GNG7: variants seen among roughly 807,000 people sequenced by gnomAD.
GNG7 encodes the protein G protein subunit gamma 7.
In GNG7, 1 loss-of-function variant was observed where a neutral mutation model predicts 4.0. The observed-to-expected ratio is 0.25, with a 90% CI of 0.09 to 1.18. The LOEUF is 1.18. Among genes scored for constraint, GNG7 ranks in the 50% most tolerant of loss-of-function variants. The pLI is 0.50. For missense variants in GNG7, 86 were observed against 91.9 expected, an observed-to-expected ratio of 0.94 and a Z score of 0.26; for synonymous variants, 34 against 36.9, an observed-to-expected ratio of 0.92 and a Z score of 0.29.
chr19:2,513,620 C>T lies in GNG7; in HGVS notation c.*1402G>A, dbSNP rs1972686340. 16 of 980,244 alleles carry T rather than the reference C, an allele frequency of 1.6e-5. No individual in the cohort carries two copies. In the South Asian group the frequency reaches 5.2e-4, roughly 32 times the overall value. 60.7% of individuals were successfully genotyped at this position (980,244 alleles called of 1,614,324 possible). A position where few individuals can be genotyped will look rare whatever the true frequency, so the allele number is the denominator to read the frequency against. The stretch of plus-strand genomic sequence containing the variant: ...CCTCAGACAGCCGTCCTGGGTTGCA[C>T]GGGGGTGGAAAAGCAAAAAGATCGG... On this transcript the variant is annotated 3_prime_UTR_variant, in exon 5 of 5. Coordinates refer to ENST00000382159, the MANE Select transcript of GNG7 (RefSeq NM_052847.3).
chr19:2,624,562 AAAAG>A (rs1000363360), intron 2 of GNG7, among the ~76,000 whole-genome samples: 11 of 151,756 alleles, frequency 7.2e-5, no homozygotes, highest in African/African-American at 9.7e-5. Context: ...AGAAAAAAAG[AAAAG>A]AAAGAAAGAA....
intron 2 of GNG7, among the ~76,000 whole-genome samples, chr19:2,615,841 A>C (rs1981709930): frequency 6.6e-6 from 1 of 152,188 alleles, no homozygotes; most frequent in African/African-American, 2.4e-5. Flanking sequence ...GCAAGGAAGC[A>C]GCAAGGCGGA....
At chr19:2,610,536 C>CGG (rs958188915) in intron 2 of GNG7, 29 of 151,810 alleles carry the variant, frequency 1.9e-4, no homozygotes, top group African/African-American at 6.5e-4. Flanking sequence ...TCAGTAGAGA[C>CGG]GGGGTTTCAC....
At chr19:2,679,250 T>C (rs911357197) in intron 1 of GNG7, among the ~76,000 whole-genome samples, 2 of 152,070 alleles carry the variant, frequency 1.3e-5, no homozygotes, top group Non-Finnish European at 2.9e-5. Context: ...AGAGTCTCAC[T>C]ATGTTGCTCA....
At chr19:2,581,611 C>T (rs1980507768) in intron 2 of GNG7, among the ~76,000 whole-genome samples, 1 of 152,176 alleles carries the variant, frequency 6.6e-6, no homozygotes, top group Non-Finnish European at 1.5e-5. Context: ...CGTGTTTTCA[C>T]CCCACCCTGC....
chr19:2,544,204 A>G (rs1979052631), intron 3 of GNG7, among the ~76,000 whole-genome samples: 1 of 152,138 alleles, frequency 6.6e-6, no homozygotes, highest in Non-Finnish European at 1.5e-5. Context: ...TCCAAACCCA[A>G]ACAAAATGGA....
At chr19:2,643,890 C>G in intron 2 of GNG7, 2 of 325,834 alleles carry the variant, frequency 6.1e-6, no homozygotes, top group Middle Eastern at 1.1e-3. Context: ...GACCTCTGAT[C>G]TGTCACCTTT....
At position 2,512,971 on chromosome 19, in the gene GNG7, G is replaced by A; in HGVS notation, c.*2051C>T. 1.0e-6 allele frequency: 1 copy of A among 985,448 alleles called. No individual in the cohort carries two copies. Among genetic ancestry groups the A allele is most frequent in the South Asian group, 4.7e-5 (1 of 21,288 alleles). The allele number at this position is 985,448 out of a possible 1,614,324, so 61.0% of individuals were successfully genotyped here. The stretch of plus-strand genomic sequence containing the variant: ...GAGGCTGCAGTCTCCGGGAGCCTCT[G>A]GGGCTCTCCCGGGCCAACAGCAGGT... On this transcript the variant is annotated 3_prime_UTR_variant, in exon 5 of 5. Transcript: ENST00000382159. This position sits in a 1 kb window ranked among gnomAD's most constrained non-coding sequence, Gnocchi z 4.7.
intron 2 of GNG7, among the ~76,000 whole-genome samples, chr19:2,593,928 C>A (rs868781647): frequency 1.6e-3 from 209 of 134,458 alleles, no homozygotes; most frequent in Admixed American, 1.7e-3. Flanking sequence ...TATTTGATGC[C>A]AAAAAAAAAA....
intron 3 of GNG7, among the ~76,000 whole-genome samples, chr19:2,550,096 C>A (rs1979266742): frequency 6.6e-6 from 1 of 152,202 alleles, no homozygotes; most frequent in African/African-American, 2.4e-5. Flanking sequence ...TGCCCTGATT[C>A]TCAGAATCCC....
intron 1 of GNG7, among the ~76,000 whole-genome samples, chr19:2,694,625 C>T (rs1237768884): frequency 6.6e-6 from 1 of 152,162 alleles, no homozygotes; most frequent in Non-Finnish European, 1.5e-5. Context: ...TCAGGGGGAC[C>T]CCCAGCTTCT....
intron 3 of GNG7, among the ~76,000 whole-genome samples, chr19:2,524,526 A>G (rs967771557): frequency 5.3e-5 from 8 of 152,320 alleles, no homozygotes; most frequent in African/African-American, 1.7e-4. Context: ...GCGTGTGTGC[A>G]CACATATCTG....
intron 2 of GNG7, among the ~76,000 whole-genome samples, chr19:2,629,390 C>G (rs1335789920): frequency 6.6e-6 from 1 of 152,142 alleles, no homozygotes; most frequent in African/African-American, 2.4e-5. Context: ...GACAGCAGGC[C>G]ACGCTCTTGT....
At chr19:2,666,064 C>T (rs757701494) in intron 1 of GNG7, among the ~76,000 whole-genome samples, 1 of 152,238 alleles carries the variant, frequency 6.6e-6, no homozygotes, top group East Asian at 1.9e-4. Flanking sequence ...CAGGGTTTCA[C>T]CATGTTGGTC....
rs1172277978 is a variant in GNG7, at chr19:2,546,800, C to T, written c.-38+8349G>A. On this transcript the variant is annotated intron_variant, in intron 3 of 4. Coordinates refer to ENST00000382159, the MANE Select transcript of GNG7 (RefSeq NM_052847.3). This position sits in a 1 kb window ranked among gnomAD's most constrained non-coding sequence, Gnocchi z 6.3. The stretch of plus-strand genomic sequence containing the variant: ...CTCTCTGTCCACCCGGCGGTGGGGT[C>T]GGCGGGGGCGGGGGATGACCACGGT... Among the ~76,000 whole-genome samples the T allele has an allele frequency of 6.6e-6, 1 of 152,104 alleles. No individual in the cohort carries two copies. Among genetic ancestry groups the T allele is most frequent in the Non-Finnish European group, 1.5e-5 (1 of 67,990 alleles).
At chr19:2,600,254 C>G (rs951799336) in intron 2 of GNG7, among the ~76,000 whole-genome samples, 4 of 148,600 alleles carry the variant, frequency 2.7e-5, no homozygotes, top group African/African-American at 1.0e-4. Context: ...TGAAAAGTAA[C>G]TATTTTTCAA....
intron 1 of GNG7, among the ~76,000 whole-genome samples, chr19:2,672,494 T>C (rs62119828): frequency 0.4 from 60,798 of 150,642 alleles, 13,866 homozygotes; most frequent in African/African-American, 0.62. Context: ...TCATCCAGGC[T>C]GGAGTGCAGT....
chr19:2,619,910 G>T (rs775724428), intron 2 of GNG7, among the ~76,000 whole-genome samples: 2 of 151,664 alleles, frequency 1.3e-5, no homozygotes, highest in Admixed American at 6.6e-5. Context: ...TGAGTTTTAC[G>T]CTGTGTCAGT....
intron 1 of GNG7, among the ~76,000 whole-genome samples, chr19:2,690,503 C>T (rs141788329): frequency 4.3e-4 from 66 of 152,324 alleles, no homozygotes; most frequent in African/African-American, 1.5e-3. Flanking sequence ...CTGGACTGGA[C>T]GTGCTCCAAG....
Sources: allele counts gnomAD v4.1 joint callset (sites outside exome capture counted in the v4.1 genomes callset), GRCh38; gene constraint gnomAD v4.1.1; non-coding constraint Gnocchi (gnomAD v3.1); transcripts MANE v1.5; gene names NCBI Gene and HGNC (gene_info 2026-07-23, HGNC 2026-07-21).